The following WRAP73 variants were observed in gnomAD, a reference collection of about 807,000 sequenced individuals.
The protein encoded by WRAP73 is WD repeat containing, antisense to TP73.
WRAP73 carries 55 observed loss-of-function variants against 59.6 expected under a neutral mutation model. The observed-to-expected ratio is 0.92, with a 90% CI of 0.74 to 1.15. WRAP73 has a LOEUF of 1.15. WRAP73 is among the 50% of genes most tolerant of loss of function. The pLI is 0.00. For missense variants in WRAP73, 592 were observed against 608.1 expected (o/e 0.97, Z 0.28); for synonymous variants, 265 against 258.2 (o/e 1.03, Z -0.25).
Position 3,631,574 on chromosome 1 carries a change from C to T in WRAP73, c.1132G>A (p.Ala378Thr), listed in dbSNP as rs529203710. The T allele has an allele frequency of 1.3e-4, 209 of 1,610,118 alleles. 1 individual carries two copies. In the East Asian group the frequency reaches 3.6e-3, roughly 27 times the overall value. Residue 378 changes from alanine (A) to threonine (T), a missense_variant, in exon 11 of 12, where the codon GCA becomes ACA. Transcript: ENST00000270708. ...AVLEQLSPVR[A>T]FQWDPQQPRL... ...GGCTGCTGCGGGTCCCACTGAAATG[C>T]GCGCACTGGGGACAGCTGCTCGAGC...
intron 11 of WRAP73, 36 bp downstream of exon 11, chr1:3,631,430 A>C (rs1353956367): frequency 6.4e-7 from 1 of 1,555,170 alleles, no homozygotes; most frequent in Non-Finnish European, 8.7e-7. Context: ...GCACACAGCA[A>C]GGCTGCCACG....
intron 3 of WRAP73, among the ~76,000 whole-genome samples, chr1:3,645,371 G>T (rs1434437461): frequency 9.7e-6 from 1 of 103,228 alleles, no homozygotes; most frequent in Non-Finnish European, 2.4e-5. Flanking sequence ...GGGTTGCCCC[G>T]TGGTGTGCGT....
intron 4 of WRAP73, among the ~76,000 whole-genome samples, 181 bp from the exon 5 acceptor site, chr1:3,637,279 C>T (rs1209183209): frequency 6.6e-6 from 1 of 152,206 alleles, no homozygotes; most frequent in Non-Finnish European, 1.5e-5. Flanking sequence ...AGGAGAAACC[C>T]AAGGCACGGT....
intron 3 of WRAP73, among the ~76,000 whole-genome samples, chr1:3,640,773 G>GT (rs1644636213): frequency 6.6e-6 from 1 of 152,180 alleles, no homozygotes; most frequent in South Asian, 2.1e-4. Flanking sequence ...AGCAGGGCGG[G>GT]GTGCAGCGCC....
intron 6 of WRAP73, 51 bp from the exon 7 acceptor site, chr1:3,635,345 A>T: frequency 1.2e-6 from 2 of 1,607,806 alleles, no homozygotes; most frequent in Non-Finnish European, 1.7e-6. Flanking sequence ...GTCGCCAGGA[A>T]CACACCACAG....
At position 3,640,323 on chromosome 1, in the gene WRAP73, T is replaced by A. The variant is rs547525005; in HGVS notation, c.340-1501A>T. On this transcript the variant is annotated intron_variant, in intron 3 of 11. Coordinates refer to ENST00000270708, the MANE Select transcript of WRAP73 (RefSeq NM_017818.4). ...GCGTGCTACTTCCCACCAGCGTGTC[T>A]GAGGCTGAAACCTTGCCCAAGCCTC... Among the ~76,000 whole-genome samples, 5 of 152,358 alleles carry A rather than the reference T, an allele frequency of 3.3e-5. No homozygotes were observed. The East Asian group carries it at 9.7e-4, about 29-fold the overall frequency.
In WRAP73 at chr1:3,632,277, G is replaced by A; in HGVS notation, c.984C>T (p.Asn328=). ...QTLKPVTDRA[N]PKIGIGMLAF... is the part of the protein sequence containing the mutation. ...CCAGCATTCCTATGCCGATTTTCGG[G>A]TTTGCTCTGTCGGTAACAGGTTTCA... Residue 328 remains asparagine, a synonymous_variant, in exon 10 of 12, where the codon AAC becomes AAT. Coordinates refer to ENST00000270708, the MANE Select transcript of WRAP73 (RefSeq NM_017818.4). 1.2e-5 allele frequency: 19 copies of A among 1,614,160 alleles called. No homozygotes were observed. Among genetic ancestry groups the A allele is most frequent in the Non-Finnish European group, 1.6e-5 (19 of 1,180,022 alleles).
intron 9 of WRAP73, chr1:3,633,060 C>T (rs1332238516): frequency 9.8e-6 from 3 of 305,810 alleles, no homozygotes; most frequent in South Asian, 5.8e-5. Flanking sequence ...GGAGCACCGC[C>T]GGGTTCCAGA....
intron 5 of WRAP73, 168 bp downstream of exon 5, chr1:3,636,827 C>A: frequency 4.0e-6 from 3 of 743,974 alleles, no homozygotes; most frequent in African/African-American, 1.7e-5. Context: ...CCTGAACACA[C>A]AACCGGGTGC....
chr1:3,644,636 A>T (rs1023936148), intron 3 of WRAP73, among the ~76,000 whole-genome samples: 6 of 152,194 alleles, frequency 3.9e-5, no homozygotes, highest in Non-Finnish European at 7.3e-5. Flanking sequence ...CTCATCCACC[A>T]CCTGGTCTTA....
At position 3,631,028 on chromosome 1, in the gene WRAP73, C is replaced by G. The variant is rs1644526931; in HGVS notation, c.1330G>C (p.Glu444Gln). ...GCTGTGCCGACCACTGCCTCTGTCT[C>G]CAGGAAGCAGAGGCAGAAGTGATCC... ...SKDHFCLCFL[E>Q]TEAVVGTACR... The change falls in exon 12 of 12, where the codon GAG becomes CAG. Residue 444 changes from glutamate to glutamine, a missense_variant. Physicochemically the swap from Glu to Gln is conservative, Grantham distance 29. Transcript: ENST00000270708. 3 of 1,613,130 alleles carry G rather than the reference C, an allele frequency of 1.9e-6. No homozygotes were observed. Among genetic ancestry groups the G allele is most frequent in the Admixed American group, 3.3e-5 (2 of 60,030 alleles).
chr1:3,632,195 T>A lies in WRAP73; in HGVS notation c.1048+18A>T, dbSNP rs775359386. On this transcript the variant is annotated intron_variant, in intron 10 of 11. Transcript: ENST00000270708. The stretch of plus-strand genomic sequence containing the variant: ...ACACAGTAAAGGGTGAGACAGCACC[T>A]GCGTCAGCACAACTGACCGTTCCTT... The A allele has an allele frequency of 6.2e-7, 1 of 1,606,322 alleles. No homozygotes were observed. The highest frequency in any genetic ancestry group is 8.5e-7 in the Non-Finnish European group (1 of 1,175,574).
chr1:3,640,673 C>T (rs963351396), intron 3 of WRAP73, among the ~76,000 whole-genome samples: 1 of 149,376 alleles, frequency 6.7e-6, no homozygotes, highest in Non-Finnish European at 1.5e-5. Flanking sequence ...GTGGAGCGCC[C>T]GAGCATCTCA....
Position 3,650,056 on chromosome 1 carries a change from C to G in WRAP73, c.-57G>C. Reference sequence around the variant, plus strand: ...CCCGAAAACCCGCGGGACCCCTGGGCGCGCAGCAGGCTGCAACAGCCGACG... The same window carrying G: ...CCCGAAAACCCGCGGGACCCCTGGGGGCGCAGCAGGCTGCAACAGCCGACG... On this transcript the variant is annotated 5_prime_UTR_variant, in exon 1 of 12. Coordinates refer to ENST00000270708, the MANE Select transcript of WRAP73 (RefSeq NM_017818.4). 6.7e-7 allele frequency: 1 copy of G among 1,489,344 alleles called. No homozygotes were observed. Among genetic ancestry groups the G allele is most frequent in the South Asian group, 1.2e-5 (1 of 80,204 alleles). 92.3% of individuals were successfully genotyped at this position (1,489,344 alleles called of 1,614,324 possible). A position where few individuals can be genotyped will look rare whatever the true frequency, so the allele number is the denominator to read the frequency against.
chr1:3,636,220 C>T (rs1359203383), intron 5 of WRAP73, 190 bp from the exon 6 acceptor site: 15 of 591,618 alleles, frequency 2.5e-5, no homozygotes, highest in Non-Finnish European at 3.3e-5. Context: ...CCACAGATGC[C>T]AGCGTCAGTG....
Position 3,646,301 on chromosome 1 carries a change from A to T in WRAP73, c.339+365T>A, listed in dbSNP as rs1461467205. ...TTAAATGACGAGCTGAAAGTTCTTG[A>T]CGCAACAAGGAAAGAAAAAATCCTA... On this transcript the variant is annotated intron_variant, in intron 3 of 11. Transcript: ENST00000270708. The surrounding 1 kb of genome is among the most constrained non-coding windows in gnomAD (Gnocchi z 5.1). 6.6e-6 allele frequency among the ~76,000 whole-genome samples: 1 copy of T among 152,220 alleles called. No homozygotes were observed. Among genetic ancestry groups the T allele is most frequent in the Non-Finnish European group, 1.5e-5 (1 of 68,034 alleles).
intron 3 of WRAP73, among the ~76,000 whole-genome samples, chr1:3,643,522 C>T (rs1488097229): frequency 6.6e-6 from 1 of 152,244 alleles, no homozygotes; most frequent in Non-Finnish European, 1.5e-5. Flanking sequence ...TCCACAGCAC[C>T]CTCACGTGGG....
In WRAP73 at chr1:3,646,775, G is replaced by C; in HGVS notation, c.230C>G (p.Ser77Cys). ...GCAGTGCCATTCGGGCTGCTCTAAA[G>C]ACCAGACCTGGATTGAGAGAAGAAA... Reference protein sequence around the residue: ...MYKRGLVQVWSLEQPEWHCKI... With the variant: ...MYKRGLVQVWCLEQPEWHCKI... The change falls in exon 3 of 12, where the codon TCT becomes TGT. Residue 77 changes from serine to cysteine, a missense_variant. Transcript: ENST00000270708. The surrounding 1 kb of genome is among the most constrained non-coding windows in gnomAD (Gnocchi z 5.1). 1 of 1,611,884 alleles carries C rather than the reference G, an allele frequency of 6.2e-7. No homozygotes were observed. Among genetic ancestry groups the C allele is most frequent in the Non-Finnish European group, 8.5e-7 (1 of 1,179,144 alleles).
At chr1:3,635,338 G>A (rs745861427) in intron 6 of WRAP73, 44 bp from the exon 7 acceptor site, 24 of 1,608,766 alleles carry the variant, frequency 1.5e-5, no homozygotes, top group Non-Finnish European at 2.0e-5. Flanking sequence ...CACCCCCGTC[G>A]CCAGGAACAC....
Sources: allele counts gnomAD v4.1 joint callset (sites outside exome capture counted in the v4.1 genomes callset), GRCh38; gene constraint gnomAD v4.1.1; non-coding constraint Gnocchi (gnomAD v3.1); transcripts MANE v1.5; gene names NCBI Gene and HGNC (gene_info 2026-07-23, HGNC 2026-07-21).